ZMYM1: variants seen among roughly 807,000 people sequenced by gnomAD.
ZMYM1 encodes the protein zinc finger MYM-type containing 1, also known as zinc finger MYM-type protein 1.
In ZMYM1, 39 loss-of-function variants were observed where a neutral mutation model predicts 60.0. The observed-to-expected ratio is 0.65, with a 90% CI of 0.50 to 0.85. ZMYM1 has a LOEUF of 0.85. Ranked by LOEUF, ZMYM1 falls within the 40% of genes least tolerant of loss-of-function variation. The pLI is 0.00. For synonymous variants in ZMYM1, 413 were observed against 454.0 expected, an observed-to-expected ratio of 0.91 and a Z score of 1.15; for missense variants, 1,171 against 1,309.5, an observed-to-expected ratio of 0.89 and a Z score of 1.63.
downstream of ZMYM1, among the ~76,000 whole-genome samples, chr1:35,118,349 A>G (rs972955758): frequency 4.6e-5 from 7 of 151,920 alleles, no homozygotes; most frequent in African/African-American, 1.7e-4. Context: ...ACTTTCCTCT[A>G]AAGTCAGCTT....
intron 6 of ZMYM1, among the ~76,000 whole-genome samples, chr1:35,108,162 G>A (rs1035208211): frequency 6.6e-6 from 1 of 152,054 alleles, no homozygotes; most frequent in Non-Finnish European, 1.5e-5. Context: ...GTTGCTTAAC[G>A]TTAAAGATTA....
intron 1 of ZMYM1, among the ~76,000 whole-genome samples, chr1:35,074,246 T>C (rs926258204): frequency 2.6e-5 from 4 of 152,212 alleles, no homozygotes; most frequent in Non-Finnish European, 5.9e-5. Flanking sequence ...ATGATCTCTA[T>C]CTTCTTAAAT....
At chr1:35,069,241 T>A (rs967947594) in intron 1 of ZMYM1, among the ~76,000 whole-genome samples, 1 of 152,212 alleles carries the variant, frequency 6.6e-6, no homozygotes, top group South Asian at 2.1e-4. Flanking sequence ...TTTCTCCATA[T>A]CCTCATTGAC....
In ZMYM1 at chr1:35,104,357, C is replaced by A; in HGVS notation, c.482C>A (p.Thr161Asn). ...VQLEDTTSCK[T>N]FCSLSCLSSY... ...CTGGAAGACACTACCTCTTGCAAAACTTTTTGCAGCCTATCTTGTCTTTCA... is the reference window on the plus strand; with the variant it reads ...CTGGAAGACACTACCTCTTGCAAAAATTTTTGCAGCCTATCTTGTCTTTCA... Residue 161 changes from threonine to asparagine, a missense_variant, in exon 5 of 10, where the codon ACT (threonine) becomes AAT (asparagine). Thr to Asn is a moderately conservative substitution (Grantham distance 65, BLOSUM62 0). Transcript: ENST00000359858. 1 of 1,612,464 alleles carries A rather than the reference C, an allele frequency of 6.2e-7. No homozygotes were observed. Among genetic ancestry groups the A allele is most frequent in the Non-Finnish European group, 8.5e-7 (1 of 1,179,544 alleles).
At chr1:35,062,856 C>T (rs1641900266) in intron 1 of ZMYM1, among the ~76,000 whole-genome samples, 1 of 152,208 alleles carries the variant, frequency 6.6e-6, no homozygotes, top group Non-Finnish European at 1.5e-5. Flanking sequence ...ACTGCTAATG[C>T]TAAAATAAAC....
Position 35,112,975 on chromosome 1 carries a change from A to C in ZMYM1, c.1147-2A>C. On this transcript the variant is annotated splice_acceptor_variant, in intron 9 of 9. Transcript: ENST00000359858. LOFTEE classifies it high-confidence loss of function. ...ATGTTCTTTTCTCATTTTCTCCCAAAGCTTTCTAAGAGTTCACCTAGTGAA... is the reference window on the plus strand; with the variant it reads ...ATGTTCTTTTCTCATTTTCTCCCAACGCTTTCTAAGAGTTCACCTAGTGAA... 6.6e-7 allele frequency: 1 copy of C among 1,522,488 alleles called. No individual in the cohort carries two copies. Among genetic ancestry groups the C allele is most frequent in the Non-Finnish European group, 8.8e-7 (1 of 1,138,126 alleles). 94.3% of individuals were successfully genotyped at this position (1,522,488 alleles called of 1,614,324 possible).
Position 35,114,408 on chromosome 1 carries a change from T to C in ZMYM1, c.2578T>C (p.Phe860Leu), listed in dbSNP as rs1165661213. Residue 860 changes from phenylalanine to leucine, a missense_variant, in exon 10 of 10, where the codon TTT becomes CTT. Physicochemically the swap from Phe to Leu is conservative, Grantham distance 22. Transcript: ENST00000359858. ...LTLVSKFEFVFCLKFLYRVLS... is the reference protein window; with the variant it reads ...LTLVSKFEFVLCLKFLYRVLS... ...ATTGGTTTCCAAATTTGAATTTGTCTTTTGTTTGAAATTCCTGTATCGAGT... is the reference window on the plus strand; with the variant it reads ...ATTGGTTTCCAAATTTGAATTTGTCCTTTGTTTGAAATTCCTGTATCGAGT... 1 of 1,613,226 alleles carries C rather than the reference T, an allele frequency of 6.2e-7. No homozygotes were observed. The highest frequency in any genetic ancestry group is 1.7e-5 in the Admixed American group (1 of 59,986).
intron 3 of ZMYM1, among the ~76,000 whole-genome samples, chr1:35,097,103 C>T (rs905647674): frequency 2.6e-5 from 4 of 152,044 alleles, no homozygotes; most frequent in South Asian, 4.1e-4. Flanking sequence ...GGATTACAGG[C>T]GTGAGCCACC....
At position 35,115,318 on chromosome 1, in the gene ZMYM1, C is replaced by A. The variant is rs1158164214; in HGVS notation, c.*59C>A. On this transcript the variant is annotated 3_prime_UTR_variant, in exon 10 of 10. Transcript: ENST00000359858. The stretch of plus-strand genomic sequence containing the variant: ...TATTTCCATTGGGATGTTTTCATTT[C>A]AAAATTGTTCAAAATTCAAAAGACA... 1 of 1,471,158 alleles carries A rather than the reference C, an allele frequency of 6.8e-7. No individual in the cohort carries two copies. Among genetic ancestry groups the A allele is most frequent in the Non-Finnish European group, 9.0e-7 (1 of 1,114,098 alleles). The allele number at this position is 1,471,158 out of a possible 1,614,324, so 91.1% of individuals were successfully genotyped here. A position where few individuals can be genotyped will look rare whatever the true frequency, so the allele number is the denominator to read the frequency against.
chr1:35,060,905 GAGCTCACAGGACAGT>G (rs1641863359), intron 1 of ZMYM1, among the ~76,000 whole-genome samples: 1 of 152,210 alleles, frequency 6.6e-6, no homozygotes, highest in Admixed American at 6.5e-5. Flanking sequence ...CTCACACAGA[GAGCTCACAGGACAGT>G]ATGCTAACCC....
chr1:35,085,334 A>G (rs1221110089), intron 1 of ZMYM1, among the ~76,000 whole-genome samples: 1 of 152,188 alleles, frequency 6.6e-6, no homozygotes, highest in East Asian at 1.9e-4. Flanking sequence ...GGCGTGAGCC[A>G]CCGCGCCCGG....
chr1:35,074,597 T>C (rs563175120), upstream of ZMYM1, among the ~76,000 whole-genome samples: 23 of 151,778 alleles, frequency 1.5e-4, no homozygotes, highest in Non-Finnish European at 2.9e-4. Context: ...TTAGTAGACA[T>C]GGGGTTTCAC....
intron 1 of ZMYM1, among the ~76,000 whole-genome samples, chr1:35,072,441 C>A (rs1642083876): frequency 6.6e-6 from 1 of 151,782 alleles, no homozygotes; most frequent in African/African-American, 2.4e-5. Context: ...TGGGTCTTTT[C>A]TCTTTTTTGC....
At chr1:35,074,354 G>A (rs1306248055) in intron 1 of ZMYM1, among the ~76,000 whole-genome samples, 1 of 152,126 alleles carries the variant, frequency 6.6e-6, no homozygotes, top group Non-Finnish European at 1.5e-5. Flanking sequence ...GGAATGTTCT[G>A]TAAATGTCTG....
At chr1:35,104,514 T>G in intron 5 of ZMYM1, 43 bp from the exon 6 acceptor site, 1 of 1,611,432 alleles carries the variant, frequency 6.2e-7, no homozygotes, top group African/African-American at 1.3e-5. Context: ...ATGATTCTGC[T>G]TAAATATCAG....
chr1:35,083,038 A>C (rs952799021), intron 1 of ZMYM1, among the ~76,000 whole-genome samples: 9 of 152,066 alleles, frequency 5.9e-5, no homozygotes, highest in African/African-American at 2.2e-4. Context: ...TTTGTCTGAA[A>C]ATGTCTTTAT....
At chr1:35,117,340 C>T (rs193226766), downstream of ZMYM1, among the ~76,000 whole-genome samples, 21 of 151,956 alleles carry the variant, frequency 1.4e-4, no homozygotes, top group Admixed American at 1.3e-4. Flanking sequence ...TTTTTTAAGA[C>T]GGAGTCTCGC....
At chr1:35,064,668 A>T (rs1052607888) in intron 1 of ZMYM1, among the ~76,000 whole-genome samples, 15 of 151,472 alleles carry the variant, frequency 9.9e-5, no homozygotes, top group Non-Finnish European at 1.9e-4. Flanking sequence ...AAACATATGG[A>T]AATTAAACAA....
rs546538808 is a variant in ZMYM1 at position 35,104,439 on chromosome 1, C to T, written c.564C>T (p.Thr188=). ...CCATATGTACTAATAGCATTTTGAC[C>T]AAGTGCAGCATGTGCCAGAAGACTG... ...FVTICTNSIL[T]KCSMCQKTAI... The change falls in exon 5 of 10, where the codon ACC becomes ACT. Residue 188 remains threonine (T), a synonymous_variant. Transcript: ENST00000359858. The T allele has an allele frequency of 1.4e-5, 22 of 1,610,858 alleles. No homozygotes were observed. The South Asian group carries it at 1.9e-4, about 14-fold the overall frequency.
Sources: gnomAD v4.1 joint callset for allele counts (sites outside exome capture counted in the v4.1 genomes callset) on GRCh38, gnomAD v4.1.1 for gene constraint, MANE v1.5 for transcripts, NCBI Gene and HGNC (gene_info 2026-07-23, HGNC 2026-07-21) for gene names.